The following EPB41L1 variants were observed in gnomAD, a reference collection of about 807,000 sequenced individuals.
EPB41L1 encodes band 4.1-like protein 1.
In EPB41L1, 29 loss-of-function variants were observed where a neutral mutation model predicts 97.8. That is an observed-to-expected ratio of 0.30 (90% CI 0.22 to 0.40). The LOEUF is 0.40. Ranked by LOEUF, EPB41L1 falls within the 10% of genes least tolerant of loss-of-function variation. The pLI, the probability that EPB41L1 is intolerant of heterozygous loss-of-function variation, is 1.00. For missense variants in EPB41L1, 812 were observed against 1,162.3 expected (o/e 0.70, Z 4.38); for synonymous variants, 383 against 459.2 (o/e 0.83, Z 2.12).
In EPB41L1 at chr20:36,229,834, G is replaced by A. The variant is rs2147253026; in HGVS notation, c.*494G>A. 6.5e-6 allele frequency: 1 copy of A among 153,000 alleles called. No individual in the cohort carries two copies. Among genetic ancestry groups the A allele is most frequent in the Middle Eastern group, 3.4e-3 (1 of 294 alleles). The allele number at this position is 153,000 out of a possible 1,614,324, so 9.5% of individuals were successfully genotyped here. The stretch of plus-strand genomic sequence containing the variant: ...CTCTAAGGCCCACTTGAATGCAAAG[G>A]AAAACACTTGCACAGCAAAGCAAGA... On this transcript the variant is annotated 3_prime_UTR_variant, in exon 22 of 22. Coordinates refer to ENST00000338074, the MANE Select transcript of EPB41L1 (RefSeq NM_012156.2).
upstream of EPB41L1, chr20:36,149,790 T>G (rs1414984003): frequency 6.6e-6 from 1 of 152,510 alleles, no homozygotes; most frequent in African/African-American, 2.4e-5. Context: ...CCAGCTCTCT[T>G]GTCCTGGAAC....
At chr20:36,159,089 G>A (rs2060428460) in intron 1 of EPB41L1, among the ~76,000 whole-genome samples, 1 of 152,150 alleles carries the variant, frequency 6.6e-6, no homozygotes, top group Non-Finnish European at 1.5e-5. Context: ...TCTGGTAGTG[G>A]GTGGTTCGCC....
Position 36,205,373 on chromosome 20 carries a change from A to G in EPB41L1, c.1669-4115A>G, listed in dbSNP as rs150491411. Among the ~76,000 whole-genome samples, 337 of 152,308 alleles carry G rather than the reference A, an allele frequency of 2.2e-3. 7 individuals are homozygous for G. In the East Asian group the frequency reaches 0.054, roughly 24 times the overall value. On this transcript the variant is annotated intron_variant, in intron 14 of 21. Coordinates refer to ENST00000338074, the MANE Select transcript of EPB41L1 (RefSeq NM_012156.2). ...AGTGACCTTGGGCAAGTCACTGTCC[A>G]TCTCTAGACCTGTTTCCTCATTTAC... is the stretch of plus-strand genomic sequence containing the variant.
intron 21 of EPB41L1, among the ~76,000 whole-genome samples, chr20:36,226,292 C>G (rs1208991498): frequency 6.6e-6 from 1 of 152,220 alleles, no homozygotes; most frequent in African/African-American, 2.4e-5. Flanking sequence ...ATCATTTAAA[C>G]TTTTCAGCCT....
intron 9 of EPB41L1, among the ~76,000 whole-genome samples, chr20:36,188,946 A>C (rs1055112865): frequency 2.0e-5 from 3 of 152,190 alleles, no homozygotes; most frequent in African/African-American, 7.2e-5. Context: ...CACACAGATA[A>C]ATGAATACAT....
At position 36,190,045 on chromosome 20, in the gene EPB41L1, G is replaced by T. The variant is rs904483296; in HGVS notation, c.1027-232G>T. 6.6e-6 allele frequency among the ~76,000 whole-genome samples: 1 copy of T among 152,048 alleles called. No individual in the cohort carries two copies. Among genetic ancestry groups the T allele is most frequent in the African/African-American group, 2.4e-5 (1 of 41,374 alleles). On this transcript the variant is annotated intron_variant, in intron 9 of 21. Coordinates refer to ENST00000338074, the MANE Select transcript of EPB41L1 (RefSeq NM_012156.2). The surrounding 1 kb of genome is among the most constrained non-coding windows in gnomAD (Gnocchi z 5.8). ...ACAAAAAATTAGCTGGTGTGGTGTCGTCTGACTGTAGTCCTGGCTACTTGG... is the reference window on the plus strand; with the variant it reads ...ACAAAAAATTAGCTGGTGTGGTGTCTTCTGACTGTAGTCCTGGCTACTTGG...
rs754792067 is a variant in EPB41L1 at position 36,206,926 on chromosome 20, C to G, written c.1669-2562C>G. The G allele has an allele frequency of 3.1e-6, 4 of 1,289,838 alleles. No individual in the cohort carries two copies. In the African/African-American group the frequency reaches 6.1e-5, roughly 20 times the overall value. 79.9% of individuals were successfully genotyped at this position (1,289,838 alleles called of 1,614,324 possible). On this transcript the variant is annotated intron_variant, in intron 14 of 21. Coordinates refer to ENST00000338074, the MANE Select transcript of EPB41L1 (RefSeq NM_012156.2). This position sits in a 1 kb window ranked among gnomAD's most constrained non-coding sequence, Gnocchi z 5.5. ...GCATCCCGACCCCCAGGCCTGCGCC[C>G]TTCCTCGGGCCATCCCTCTGAATGT...
At chr20:36,151,426 C>A (rs2060043943), upstream of EPB41L1, 2 of 152,180 alleles carry the variant, frequency 1.3e-5, no homozygotes, top group Non-Finnish European at 2.9e-5. Context: ...TGTCAAATAA[C>A]CTGCCTAAGT....
intron 4 of EPB41L1, 63 bp downstream of exon 4, chr20:36,178,119 C>G: frequency 8.3e-7 from 1 of 1,199,672 alleles, no homozygotes; most frequent in East Asian, 2.3e-5. Flanking sequence ...ATCCTGGCCA[C>G]CCCCAACAGC....
rs1280542642 is a variant in EPB41L1 at position 36,231,777 on chromosome 20, A to T, written c.*2437A>T. ...CTGAGTGTAGCAGCACACTTTCCAT[A>T]CACCAGGTTCTTTCTACAATCCTGG... On this transcript the variant is annotated 3_prime_UTR_variant, in exon 22 of 22. Coordinates refer to ENST00000338074, the MANE Select transcript of EPB41L1 (RefSeq NM_012156.2). 1 of 152,612 alleles carries T rather than the reference A, an allele frequency of 6.6e-6. No homozygotes were observed. The highest frequency in any genetic ancestry group is 2.1e-4 in the South Asian group (1 of 4,832). The allele number at this position is 152,612 out of a possible 1,614,324, so 9.5% of individuals were successfully genotyped here. A position where few individuals can be genotyped will look rare whatever the true frequency, so the allele number is the denominator to read the frequency against.
In EPB41L1 at chr20:36,232,277, G is replaced by A. The variant is rs1300640728; in HGVS notation, c.*2937G>A. The A allele has an allele frequency of 7.9e-6, 2 of 252,738 alleles. No individual in the cohort carries two copies. The highest frequency in any genetic ancestry group is 1.7e-4 in the South Asian group (1 of 5,730). The allele number at this position is 252,738 out of a possible 1,614,324, so 15.7% of individuals were successfully genotyped here. On this transcript the variant is annotated 3_prime_UTR_variant, in exon 22 of 22. Transcript: ENST00000338074. ...CTCTGTGCCACCTCTCCACCCAGGA[G>A]GCCATGTAGCATAGTGGAAAAAGTC...
rs199985301 is a variant in EPB41L1 at position 36,185,277 on chromosome 20, G to T, written c.727G>T (p.Ala243Ser). Residue 243 changes from alanine (A) to serine (S), a missense_variant, in exon 7 of 22, where the codon GCC becomes TCC. Ala to Ser is a moderately conservative substitution (Grantham distance 99). Around this residue, in one of 3 missense-constraint regions of EPB41L1, gnomAD observed 230 missense variants for 445.2 expected, o/e 0.52. Coordinates refer to ENST00000338074, the MANE Select transcript of EPB41L1 (RefSeq NM_012156.2). ...CAACTATGTCAGCGAGCTCCGCTTC[G>T]CCCCTAACCAGACCCGGGAGCTGGA... ...VGNYVSELRF[A>S]PNQTRELEER... The T allele has an allele frequency of 6.2e-7, 1 of 1,613,770 alleles. No homozygotes were observed. The highest frequency in any genetic ancestry group is 2.2e-5 in the East Asian group (1 of 44,878).
At chr20:36,136,231 C>T (rs2059409555) in intron 2 of EPB41L1, among the ~76,000 whole-genome samples, 1 of 151,904 alleles carries the variant, frequency 6.6e-6, no homozygotes, top group Non-Finnish European at 1.5e-5. Flanking sequence ...AGTGCAGTGG[C>T]ATGCCCTTGG....
chr20:36,133,728 G>A (rs10222036), intron 2 of EPB41L1, among the ~76,000 whole-genome samples: 13,014 of 151,894 alleles, frequency 0.086, 777 homozygotes, highest in African/African-American at 0.17. Flanking sequence ...GGTGGCATGC[G>A]CCTCTGTGGT....
intron 1 of EPB41L1, among the ~76,000 whole-genome samples, chr20:36,161,643 T>A (rs1051898379): frequency 9.2e-5 from 14 of 152,156 alleles, no homozygotes; most frequent in African/African-American, 2.9e-4. Flanking sequence ...CCTGGCTAGT[T>A]CTTGTATTTT....
At chr20:36,176,424 G>A (rs898010934) in intron 3 of EPB41L1, among the ~76,000 whole-genome samples, 5 of 152,126 alleles carry the variant, frequency 3.3e-5, no homozygotes, top group Non-Finnish European at 7.3e-5. Flanking sequence ...CCCTGCCGAG[G>A]CAGCATTCGT....
At chr20:36,199,264 C>G (rs1054623128) in intron 14 of EPB41L1, among the ~76,000 whole-genome samples, 6 of 151,918 alleles carry the variant, frequency 3.9e-5, no homozygotes, top group African/African-American at 1.5e-4. Context: ...AGGACTTATT[C>G]AGTGTCTTAG....
At chr20:36,110,670 C>T (rs6060801) in intron 1 of EPB41L1, 1 of 149,960 alleles carries the variant, frequency 6.7e-6, no homozygotes, top group African/African-American at 2.5e-5. Flanking sequence ...CACCATTGGC[C>T]TCAATTTGCA....
intron 14 of EPB41L1, among the ~76,000 whole-genome samples, chr20:36,199,973 T>G (rs1463574527): frequency 6.6e-6 from 1 of 152,184 alleles, no homozygotes; most frequent in Non-Finnish European, 1.5e-5. Context: ...AGGTGGAATC[T>G]GCTCCACCTC....
Sources: gnomAD v4.1 joint callset for allele counts (sites outside exome capture counted in the v4.1 genomes callset) on GRCh38, gnomAD v4.1.1 for gene constraint, gnomAD v4.1.1 regional missense constraint, Gnocchi (gnomAD v3.1) non-coding constraint, MANE v1.5 for transcripts, NCBI Gene and HGNC (gene_info 2026-07-23, HGNC 2026-07-21) for gene names.